ARFIP1: variants seen among roughly 807,000 people sequenced by gnomAD.
ARFIP1 encodes the protein ARF interacting protein 1.
ARFIP1 carries 24 observed loss-of-function variants against 42.5 expected under a neutral mutation model. The ratio of observed to expected loss-of-function variants is 0.57; its 90% CI spans 0.41 to 0.80. The LOEUF (loss-of-function observed/expected upper bound fraction) is 0.80, where lower values mean the gene tolerates loss of function less well. ARFIP1 is among the 30% of genes least tolerant of loss of function. The pLI, the probability that ARFIP1 is intolerant of heterozygous loss-of-function variation, is 0.00. For missense variants in ARFIP1, 354 were observed against 434.0 expected (o/e 0.82, Z 1.64); for synonymous variants, 141 against 153.7 (o/e 0.92, Z 0.61).
At chr4:152,819,240 AAC>A (rs1730157379) in intron 1 of ARFIP1, among the ~76,000 whole-genome samples, 1 of 152,184 alleles carries the variant, frequency 6.6e-6, no homozygotes, top group African/African-American at 2.4e-5. Context: ...CAGGCACAAT[AAC>A]ACAGCACTCA....
chr4:152,817,314 AG>A (rs1420653085), intron 1 of ARFIP1, among the ~76,000 whole-genome samples: 1 of 152,206 alleles, frequency 6.6e-6, no homozygotes, highest in Admixed American at 6.5e-5. Flanking sequence ...ATGCAGTGAC[AG>A]GAAGGAAAAT....
intron 3 of ARFIP1, among the ~76,000 whole-genome samples, chr4:152,869,506 G>A (rs1318027522): frequency 2.0e-5 from 3 of 151,206 alleles, no homozygotes; most frequent in Non-Finnish European, 4.4e-5. Flanking sequence ...TTGGAGTGCA[G>A]TGGTGCGATC....
At chr4:152,824,702 A>C (rs1433888789) in intron 1 of ARFIP1, among the ~76,000 whole-genome samples, 2 of 152,218 alleles carry the variant, frequency 1.3e-5, no homozygotes, top group African/African-American at 4.8e-5. Context: ...CAGAGGAATC[A>C]GGCAAAAGAA....
intron 1 of ARFIP1, among the ~76,000 whole-genome samples, chr4:152,815,061 A>G (rs1318110325): frequency 6.6e-6 from 1 of 151,992 alleles, no homozygotes; most frequent in Non-Finnish European, 1.5e-5. Flanking sequence ...GCCCCCTGTT[A>G]TGTTTCTCCT....
At chr4:152,815,979 C>T (rs1386488683) in intron 1 of ARFIP1, among the ~76,000 whole-genome samples, 8 of 151,964 alleles carry the variant, frequency 5.3e-5, no homozygotes, top group East Asian at 1.9e-4. Flanking sequence ...CTCCTGACCT[C>T]GTGTTCCGCC....
intron 1 of ARFIP1, among the ~76,000 whole-genome samples, chr4:152,806,845 C>CTT (rs796638165): frequency 0.05 from 6,691 of 133,082 alleles, 532 homozygotes; most frequent in African/African-American, 0.17. Context: ...CTTTTTCTTT[C>CTT]TTTTTTTTTT....
At chr4:152,905,565 T>TTTTTTTTTTTTTTTTTTG in intron 8 of ARFIP1, among the ~76,000 whole-genome samples, 1 of 130,718 alleles carries the variant, frequency 7.7e-6, no homozygotes, top group Non-Finnish European at 1.6e-5. Flanking sequence ...TTTTTTTTTT[T>TTTTTTTTTTTTTTTTTTG]TTTTTGAGAT....
intron 1 of ARFIP1, among the ~76,000 whole-genome samples, chr4:152,818,667 G>A (rs905819121): frequency 2.6e-5 from 4 of 152,196 alleles, no homozygotes; most frequent in Admixed American, 2.0e-4. Flanking sequence ...TCCACAGACT[G>A]GGAATGGTGT....
intron 5 of ARFIP1, among the ~76,000 whole-genome samples, chr4:152,878,414 A>G (rs990754640): frequency 5.9e-5 from 9 of 152,238 alleles, no homozygotes; most frequent in African/African-American, 1.9e-4. Flanking sequence ...GAGATCATCT[A>G]AGACACTTCC....
chr4:152,877,733 G>C (rs1424678532), intron 5 of ARFIP1, among the ~76,000 whole-genome samples: 1 of 152,102 alleles, frequency 6.6e-6, no homozygotes, highest in African/African-American at 2.4e-5. Flanking sequence ...AGGGACCCAG[G>C]GAGAGGTAAT....
intron 1 of ARFIP1, chr4:152,796,653 T>C: frequency 1.1e-6 from 1 of 887,252 alleles, no homozygotes; most frequent in Non-Finnish European, 1.8e-6. Flanking sequence ...TGATGGTCTT[T>C]TTTATTTGTA....
intron 2 of ARFIP1, among the ~76,000 whole-genome samples, chr4:152,849,870 C>T (rs939119243): frequency 6.6e-6 from 1 of 152,074 alleles, no homozygotes; most frequent in Non-Finnish European, 1.5e-5. Context: ...GTTTAGGTTG[C>T]CTGAGTGGAA....
At chr4:152,906,717 G>A (rs1019942976) in intron 8 of ARFIP1, among the ~76,000 whole-genome samples, 1 of 152,146 alleles carries the variant, frequency 6.6e-6, no homozygotes, top group Non-Finnish European at 1.5e-5. Context: ...CAAGGAGCCA[G>A]ATCTTTTTAA....
intron 7 of ARFIP1, among the ~76,000 whole-genome samples, chr4:152,886,326 ATTAAAT>A (rs1196367806): frequency 6.6e-6 from 1 of 151,922 alleles, no homozygotes; most frequent in African/African-American, 2.4e-5. Flanking sequence ...CTCCTACTGG[ATTAAAT>A]TTAAACACTT....
chr4:152,785,251 T>C (rs1730732897), intron 1 of ARFIP1, among the ~76,000 whole-genome samples: 2 of 152,210 alleles, frequency 1.3e-5, no homozygotes, highest in Non-Finnish European at 2.9e-5. Context: ...CATGTAATAA[T>C]TTACAAAGCA....
chr4:152,867,748 T>C (rs1734533211), intron 3 of ARFIP1, among the ~76,000 whole-genome samples: 1 of 152,148 alleles, frequency 6.6e-6, no homozygotes, highest in South Asian at 2.1e-4. Context: ...ATCCTAATCC[T>C]TCCAATTGGA....
At chr4:152,882,662 A>G in intron 6 of ARFIP1, 61 bp from the exon 7 acceptor site, 2 of 1,516,556 alleles carry the variant, frequency 1.3e-6, no homozygotes, top group Admixed American at 3.8e-5. Context: ...CGTGCTTGAG[A>G]TTTTTAAGTC....
chr4:152,862,975 A>T (rs1349843383), intron 2 of ARFIP1, among the ~76,000 whole-genome samples: 1 of 152,230 alleles, frequency 6.6e-6, no homozygotes, highest in Non-Finnish European at 1.5e-5. Context: ...CTTTTAAAGA[A>T]CATTGTGCTT....
intron 3 of ARFIP1, among the ~76,000 whole-genome samples, chr4:152,867,297 C>T (rs1264063638): frequency 3.9e-5 from 6 of 152,188 alleles, no homozygotes; most frequent in Non-Finnish European, 8.8e-5. Context: ...AGCTGGTGAC[C>T]AGCCCGGCCA....
Sources: allele counts gnomAD v4.1 joint callset (sites outside exome capture counted in the v4.1 genomes callset), GRCh38; gene constraint gnomAD v4.1.1; transcripts MANE v1.5; gene names NCBI Gene and HGNC (gene_info 2026-07-23, HGNC 2026-07-21).